Variants in GFRAL observed in about 807,000 individuals in gnomAD.
The protein encoded by GFRAL is GDNF family receptor alpha like.
GFRAL carries 36 observed loss-of-function variants against 45.4 expected under a neutral mutation model. The observed-to-expected ratio is 0.79, with a 90% CI of 0.61 to 1.05. The LOEUF (loss-of-function observed/expected upper bound fraction) is 1.05, where lower values mean the gene tolerates loss of function less well. Among genes scored for constraint, GFRAL ranks in the 50% least tolerant of loss-of-function variants. The pLI, the probability that GFRAL is intolerant of heterozygous loss-of-function variation, is 0.00. For missense variants in GFRAL, 507 were observed against 467.5 expected (o/e 1.08, Z -0.78); for synonymous variants, 166 against 154.1 (o/e 1.08, Z -0.57).
At chr6:55,392,185 G>GTCCTCAAA (rs1416683477) in intron 6 of GFRAL, among the ~76,000 whole-genome samples, 1 of 151,962 alleles carries the variant, frequency 6.6e-6, no homozygotes, top group Admixed American at 6.6e-5. Flanking sequence ...TTTCCCACTA[G>GTCCTCAAA]TCCTCAAAGT....
At chr6:55,338,504 T>G (rs1767919853) in intron 3 of GFRAL, among the ~76,000 whole-genome samples, 2 of 152,180 alleles carry the variant, frequency 1.3e-5, no homozygotes, top group Non-Finnish European at 2.9e-5. Context: ...AATTCTCAAT[T>G]CTTAATTAAA....
At chr6:55,398,244 G>T (rs1768852227) in intron 6 of GFRAL, among the ~76,000 whole-genome samples, 1 of 151,988 alleles carries the variant, frequency 6.6e-6, no homozygotes, top group African/African-American at 2.4e-5. Flanking sequence ...ATTCATTTTT[G>T]TAAACAACTG....
chr6:55,380,981 A>G (rs1768600519), intron 6 of GFRAL, among the ~76,000 whole-genome samples: 1 of 151,952 alleles, frequency 6.6e-6, no homozygotes, highest in Non-Finnish European at 1.5e-5. Flanking sequence ...GCTACTGCTC[A>G]CTTTAATAAA....
intron 6 of GFRAL, among the ~76,000 whole-genome samples, chr6:55,364,878 C>T (rs1211511488): frequency 6.6e-6 from 1 of 152,246 alleles, no homozygotes; most frequent in East Asian, 1.9e-4. Context: ...AGCGAGATGC[C>T]TCCAGCTTTG....
intron 3 of GFRAL, among the ~76,000 whole-genome samples, chr6:55,345,838 A>C (rs1768034059): frequency 6.6e-6 from 1 of 152,238 alleles, no homozygotes; most frequent in Non-Finnish European, 1.5e-5. Flanking sequence ...GAACTCAAAC[A>C]AATTTACAAG....
intron 6 of GFRAL, among the ~76,000 whole-genome samples, chr6:55,376,121 G>C (rs1345460864): frequency 6.6e-6 from 1 of 152,016 alleles, no homozygotes; most frequent in Non-Finnish European, 1.5e-5. Flanking sequence ...ATAATCATGT[G>C]GTTTTTGTCT....
chr6:55,399,758 T>C (rs1768872027), intron 8 of GFRAL, among the ~76,000 whole-genome samples: 1 of 152,174 alleles, frequency 6.6e-6, no homozygotes, highest in African/African-American at 2.4e-5. Context: ...CTTTGCTGCA[T>C]TTGTTATTCA....
chr6:55,340,158 A>G (rs1174595114), intron 3 of GFRAL, among the ~76,000 whole-genome samples: 3 of 152,224 alleles, frequency 2.0e-5, no homozygotes, highest in Non-Finnish European at 4.4e-5. Context: ...TAATTTAAAT[A>G]TGAGAAAGAA....
chr6:55,362,859 A>T (rs1181274430), intron 6 of GFRAL, among the ~76,000 whole-genome samples: 2 of 151,726 alleles, frequency 1.3e-5, no homozygotes, highest in South Asian at 4.2e-4. Context: ...AGGAGAAAGA[A>T]AAGGAGGAAG....
At chr6:55,400,875 G>T (rs1220353560) in intron 8 of GFRAL, among the ~76,000 whole-genome samples, 2 of 152,076 alleles carry the variant, frequency 1.3e-5, no homozygotes, top group African/African-American at 4.8e-5. Context: ...ACAAAATATG[G>T]ACAGTTTTCT....
At chr6:55,399,091 C>T (rs1768862839) in intron 6 of GFRAL, 89 bp from the exon 7 acceptor site, 7 of 605,738 alleles carry the variant, frequency 1.2e-5, no homozygotes, top group Admixed American at 7.1e-5. Context: ...AAATAAATTG[C>T]TGCCTTAAAA....
intron 5 of GFRAL, among the ~76,000 whole-genome samples, chr6:55,353,136 G>A (rs1034609323): frequency 2.0e-5 from 3 of 151,982 alleles, no homozygotes; most frequent in South Asian, 2.1e-4. Flanking sequence ...AATTGAGTGG[G>A]TGTGAACAGG....
At chr6:55,369,695 GAA>G (rs5876445) in intron 6 of GFRAL, among the ~76,000 whole-genome samples, 7 of 151,840 alleles carry the variant, frequency 4.6e-5, no homozygotes, top group East Asian at 1.9e-4. Flanking sequence ...GGTAGACACT[GAA>G]AAAAAAACAG....
At chr6:55,342,072 A>G (rs1767973980) in intron 3 of GFRAL, among the ~76,000 whole-genome samples, 1 of 152,244 alleles carries the variant, frequency 6.6e-6, no homozygotes, top group Non-Finnish European at 1.5e-5. Flanking sequence ...AGTGATGGGG[A>G]AAATGGAACC....
At chr6:55,375,013 T>G (rs1768504855) in intron 6 of GFRAL, among the ~76,000 whole-genome samples, 1 of 152,158 alleles carries the variant, frequency 6.6e-6, no homozygotes, top group Admixed American at 6.5e-5. Flanking sequence ...TCATACTGTT[T>G]TGGTTACTGT....
chr6:55,341,045 C>T (rs1357410909), intron 3 of GFRAL, among the ~76,000 whole-genome samples: 1 of 152,146 alleles, frequency 6.6e-6, no homozygotes, highest in Non-Finnish European at 1.5e-5. Flanking sequence ...CTGGGTGGAG[C>T]CCATCGCAGC....
chr6:55,354,084 G>A (rs982330924), intron 5 of GFRAL, among the ~76,000 whole-genome samples: 3 of 151,982 alleles, frequency 2.0e-5, no homozygotes, highest in African/African-American at 4.8e-5. Flanking sequence ...CAGGGCTTTC[G>A]ATATGCTATC....
chr6:55,330,678 C>T (rs978858194), intron 1 of GFRAL, among the ~76,000 whole-genome samples: 1 of 151,976 alleles, frequency 6.6e-6, no homozygotes, highest in Non-Finnish European at 1.5e-5. Flanking sequence ...TTCCAGATTG[C>T]ACATGGTGAG....
intron 6 of GFRAL, among the ~76,000 whole-genome samples, chr6:55,360,671 A>G (rs763471357): frequency 5.3e-5 from 8 of 152,012 alleles, no homozygotes; most frequent in Non-Finnish European, 1.2e-4. Flanking sequence ...GAAGTGTTAT[A>G]TAAGTCATAT....
Sources: gnomAD v4.1 joint callset for allele counts (sites outside exome capture counted in the v4.1 genomes callset) on GRCh38, gnomAD v4.1.1 for gene constraint, MANE v1.5 for transcripts, NCBI Gene and HGNC (gene_info 2026-07-23, HGNC 2026-07-21) for gene names.